ZNF821: variants seen among roughly 807,000 people sequenced by gnomAD.
ZNF821 encodes zinc finger protein 821.
Under a neutral mutation model 44.3 loss-of-function variants are expected in ZNF821, and 16 were observed. The ratio of observed to expected loss-of-function variants is 0.36; its 90% confidence interval spans 0.24 to 0.55. ZNF821 has a LOEUF of 0.55. Ranked by LOEUF, ZNF821 falls within the 20% of genes least tolerant of loss-of-function variation. The pLI is 0.86. For synonymous variants in ZNF821, 204 were observed against 197.6 expected, an observed-to-expected ratio of 1.03 and a Z score of -0.27; for missense variants, 436 against 547.6, an observed-to-expected ratio of 0.80 and a Z score of 2.03.
intron 4 of ZNF821, 84 bp downstream of exon 4, chr16:71,867,828 C>T: frequency 6.7e-7 from 1 of 1,495,680 alleles, no homozygotes; most frequent in Non-Finnish European, 8.9e-7. Flanking sequence ...TCTCCCAACC[C>T]CCATGCACAA....
intron 2 of ZNF821, among the ~76,000 whole-genome samples, chr16:71,880,999 T>A (rs1054672898): frequency 2.0e-5 from 3 of 152,196 alleles, no homozygotes; most frequent in African/African-American, 7.2e-5. Context: ...TGGATTAGTA[T>A]TGATAGCTGT....
intron 6 of ZNF821, 93 bp downstream of exon 6, chr16:71,864,045 G>A: frequency 3.6e-6 from 4 of 1,107,812 alleles, no homozygotes; most frequent in Non-Finnish European, 5.5e-6. Flanking sequence ...ACTCCTTCAG[G>A]AGCCAGAGAG....
At chr16:71,895,154 T>C (rs1198466282) in exon 1 of ZNF821, 10 of 265,664 alleles carry the variant, frequency 3.8e-5, no homozygotes, top group Non-Finnish European at 6.6e-5. Context: ...ACTCCCGGCG[T>C]CAGAGAGGCG....
At chr16:71,885,983 G>A (rs745321442), upstream of ZNF821, among the ~76,000 whole-genome samples, 14 of 152,164 alleles carry the variant, frequency 9.2e-5, no homozygotes, top group Non-Finnish European at 1.9e-4. Context: ...TACAAGTATG[G>A]CTTTATTATG....
rs768301578 is a variant in ZNF821 at position 71,860,018 on chromosome 16, T to G, written c.1239A>C (p.Ter413CysextTer57). The G allele has an allele frequency of 6.3e-7, 1 of 1,592,220 alleles. No homozygotes were observed. The highest frequency in any genetic ancestry group is 8.5e-7 in the Non-Finnish European group (1 of 1,169,854). ...AGGAGGGCAGGCAGGAGGGTGTGGT[T>G]CAGTGCAGAGAGCTGCTGTTCTGCT... ...FEEQNSSSLH[*>C] Residue 413 changes from the stop codon to cysteine (C), a stop_lost, in exon 8 of 8, where the codon TGA becomes TGC. Transcript: ENST00000425432. The surrounding 1 kb of genome is among the most constrained non-coding windows in gnomAD (Gnocchi z 7.3).
At chr16:71,885,665 G>A (rs984785403), upstream of ZNF821, among the ~76,000 whole-genome samples, 4 of 152,130 alleles carry the variant, frequency 2.6e-5, no homozygotes, top group African/African-American at 7.2e-5. Context: ...TCTGCATCTT[G>A]TGTTCAATGT....
At chr16:71,884,572 G>C (rs2036767490), upstream of ZNF821, 1 of 152,136 alleles carries the variant, frequency 6.6e-6, no homozygotes, top group Non-Finnish European at 1.5e-5. Flanking sequence ...CCTTAGCCCG[G>C]ATCCCCACCA....
chr16:71,861,211 A>G (rs2033844947), intron 7 of ZNF821, among the ~76,000 whole-genome samples: 1 of 152,240 alleles, frequency 6.6e-6, no homozygotes, highest in Non-Finnish European at 1.5e-5. Flanking sequence ...TGCCACAGCA[A>G]TGCACCAGAA....
At chr16:71,876,626 TCTCA>T (rs2035850599) in intron 3 of ZNF821, among the ~76,000 whole-genome samples, 1 of 152,164 alleles carries the variant, frequency 6.6e-6, no homozygotes, top group Non-Finnish European at 1.5e-5. Flanking sequence ...GGAGACAGGA[TCTCA>T]CTCCGACGCT....
At chr16:71,878,468 T>A (rs2036086123) in intron 3 of ZNF821, among the ~76,000 whole-genome samples, 1 of 152,090 alleles carries the variant, frequency 6.6e-6, no homozygotes, top group Admixed American at 6.6e-5. Context: ...TCTTCCCAGA[T>A]AATAGGAAAA....
chr16:71,882,088 G>A, intron 2 of ZNF821: 1 of 152,110 alleles, frequency 6.6e-6, no homozygotes, highest in East Asian at 1.9e-4. Flanking sequence ...TGGCCAACAT[G>A]GTGAAACCCC....
chr16:71,878,775 C>CA (rs1373852941), intron 3 of ZNF821, among the ~76,000 whole-genome samples: 2 of 151,868 alleles, frequency 1.3e-5, no homozygotes, highest in African/African-American at 4.8e-5. Flanking sequence ...ACTAAAAATA[C>CA]AAAAAAATTA....
chr16:71,885,924 A>G (rs1366689318), upstream of ZNF821, among the ~76,000 whole-genome samples: 1 of 152,232 alleles, frequency 6.6e-6, no homozygotes, highest in Non-Finnish European at 1.5e-5. Flanking sequence ...TAGAATACAC[A>G]CTGGCTTTTA....
In ZNF821 at chr16:71,860,490, C is replaced by T. The variant is rs1026618798; in HGVS notation, c.767G>A (p.Arg256His). ...ATTCTGTCGACGTAGAGCCCACTTG[C>T]GTACACTGGGAGTCTGGGCTTCCAG... Reference protein sequence around the residue: ...KLLEAQTPSVRKWALRRQNEP... With the variant: ...KLLEAQTPSVHKWALRRQNEP... The change falls in exon 8 of 8, where the codon CGC becomes CAC. Residue 256 changes from arginine (R) to histidine (H), a missense_variant. Arg to His is a conservative substitution (Grantham distance 29, BLOSUM62 0). Coordinates refer to ENST00000425432, the MANE Select transcript of ZNF821 (RefSeq NM_001201552.2). The surrounding 1 kb of genome is among the most constrained non-coding windows in gnomAD (Gnocchi z 7.3). 3.1e-6 allele frequency: 5 copies of T among 1,614,146 alleles called. No individual in the cohort carries two copies. Among genetic ancestry groups the T allele is most frequent in the Admixed American group, 1.7e-5 (1 of 60,012 alleles).
In ZNF821 at chr16:71,861,861, G is replaced by A; in HGVS notation, c.499C>T (p.Arg167Cys). The A allele has an allele frequency of 4.3e-6, 7 of 1,614,110 alleles. No homozygotes were observed. The highest frequency in any genetic ancestry group is 5.9e-6 in the Non-Finnish European group (7 of 1,180,036). The change falls in exon 7 of 8, where the codon CGC (arginine) becomes TGC (cysteine). Residue 167 changes from arginine to cysteine, a missense_variant. This residue lies in a region of ZNF821 where 238 missense variants were observed against 281.4 expected (regional missense o/e 0.85). Transcript: ENST00000425432. ...RALSSPGSLG[R>C]HLLIHSEDQR... ...TCCTCCGAGTGGATTAAGAGGTGGC[G>A]ACCCAATGACCCCGGGGAGCTAAGG...
exon 1 of ZNF821, chr16:71,895,221 C>A (rs1202334460): frequency 5.7e-6 from 1 of 174,568 alleles, no homozygotes; most frequent in Non-Finnish European, 1.2e-5. Flanking sequence ...GCGGTGAGGC[C>A]GTGGGCGCAG....
chr16:71,880,047 A>G, intron 2 of ZNF821, 24 bp from the exon 3 acceptor site: 4 of 1,127,342 alleles, frequency 3.5e-6, no homozygotes, highest in Non-Finnish European at 5.0e-6. Flanking sequence ...GGTTATTGTT[A>G]GCACATGTCA....
In ZNF821 at chr16:71,861,830, C is replaced by T. The variant is rs773859599; in HGVS notation, c.530G>A (p.Arg177Gln). Residue 177 changes from arginine (R) to glutamine (Q), a missense_variant, in exon 7 of 8, where the codon CGA becomes CAA. Arg to Gln is a conservative substitution (Grantham distance 43, BLOSUM62 1). Transcript: ENST00000425432. The stretch of plus-strand genomic sequence containing the variant: ...GGCTCCACACACAGCACAGTTAGAT[C>T]GCTGGTCCTCCGAGTGGATTAAGAG... ...RHLLIHSEDQ[R>Q]SNCAVCGARF... 1.2e-6 allele frequency: 2 copies of T among 1,614,162 alleles called. No individual in the cohort carries two copies. Among genetic ancestry groups the T allele is most frequent in the South Asian group, 1.1e-5 (1 of 91,080 alleles).
Position 71,860,135 on chromosome 16 carries a change from C to A in ZNF821, c.1122G>T (p.Met374Ile), listed in dbSNP as rs778587995. The change falls in exon 8 of 8, where the codon ATG (methionine) becomes ATT (isoleucine). Residue 374 changes from methionine to isoleucine, a missense_variant. Around this residue, in one of 5 missense-constraint regions of ZNF821, gnomAD observed 55 missense variants for 56.9 expected, o/e 0.97. Transcript: ENST00000425432. This position sits in a 1 kb window ranked among gnomAD's most constrained non-coding sequence, Gnocchi z 7.3. ...AGTTCATTTCAGCTGCTAAGGCTGC[C>A]ATGGCAGAAGGGTCCTGGCCAAACT... ...RAQFGQDPSA[M>I]AALAAEMNFF... is the part of the protein sequence containing the mutation. The A allele has an allele frequency of 6.2e-7, 1 of 1,614,230 alleles. No homozygotes were observed.
Sources: gnomAD v4.1 joint callset for allele counts (sites outside exome capture counted in the v4.1 genomes callset) on GRCh38, gnomAD v4.1.1 for gene constraint, gnomAD v4.1.1 regional missense constraint, Gnocchi (gnomAD v3.1) non-coding constraint, MANE v1.5 for transcripts, NCBI Gene and HGNC (gene_info 2026-07-23, HGNC 2026-07-21) for gene names.